PAPPA2: variants seen among roughly 807,000 people sequenced by gnomAD.
PAPPA2 encodes the protein pappalysin-2.
PAPPA2 carries 86 observed loss-of-function variants against 176.4 expected under a neutral mutation model. The observed-to-expected ratio is 0.49, with a 90% CI of 0.41 to 0.58. PAPPA2 has a LOEUF of 0.58. PAPPA2 is among the 20% of genes least tolerant of loss of function. The probability of loss-of-function intolerance (pLI) is 0.00; values close to 1 mark genes in which losing one functional copy is unlikely to be tolerated. For synonymous variants in PAPPA2, 809 were observed against 852.2 expected, an observed-to-expected ratio of 0.95 and a Z score of 0.88; for missense variants, 2,073 against 2,256.9, an observed-to-expected ratio of 0.92 and a Z score of 1.65.
intron 3 of PAPPA2, chr1:176,616,573 C>A (rs1214928716): frequency 6.7e-7 from 1 of 1,502,494 alleles, no homozygotes; most frequent in Non-Finnish European, 9.2e-7. Context: ...GGTGGTGCAC[C>A]ATCACCAAAA....
rs1484189701 is a variant in PAPPA2 at position 176,844,009 on chromosome 1, A to G, written c.*1555A>G. 6.6e-6 allele frequency: 1 copy of G among 152,178 alleles called. No homozygotes were observed. Among genetic ancestry groups the G allele is most frequent in the Non-Finnish European group, 1.5e-5 (1 of 68,034 alleles). The allele number at this position is 152,178 out of a possible 1,614,324, so 9.4% of individuals were successfully genotyped here. ...TAGATGGAATGCACATGAAATGACC[A>G]TATTAAGCCTCTCTCTATTTACATC... is the stretch of plus-strand genomic sequence containing the variant. On this transcript the variant is annotated 3_prime_UTR_variant, in exon 23 of 23. Transcript: ENST00000367662.
intron 21 of PAPPA2, among the ~76,000 whole-genome samples, chr1:176,809,108 G>C (rs1428005134): frequency 6.6e-6 from 1 of 152,188 alleles, no homozygotes; most frequent in Non-Finnish European, 1.5e-5. Flanking sequence ...CTCCCTCTCT[G>C]ATATGGTTAC....
chr1:176,794,748 TCAAGGGCATGCTGGATGTGAGAGA>T (rs2102942605), intron 20 of PAPPA2, among the ~76,000 whole-genome samples: 1 of 152,088 alleles, frequency 6.6e-6, no homozygotes, highest in East Asian at 1.9e-4. Flanking sequence ...TTTAGATGTG[TCAAGGGCATGCTGGATGTGAGAGA>T]CAAGGGCATG....
intron 12 of PAPPA2, among the ~76,000 whole-genome samples, chr1:176,733,969 T>C (rs1662279781): frequency 6.6e-6 from 1 of 152,040 alleles, no homozygotes; most frequent in Non-Finnish European, 1.5e-5. Flanking sequence ...ACATTGCCTG[T>C]CCACTCCACC....
chr1:176,790,446 T>C (rs1377367070), intron 18 of PAPPA2, among the ~76,000 whole-genome samples: 1 of 152,220 alleles, frequency 6.6e-6, no homozygotes, highest in East Asian at 1.9e-4. Context: ...ATCTTTGTTG[T>C]GTGACTAAAA....
At chr1:176,784,841 C>G (rs555303604) in intron 17 of PAPPA2, among the ~76,000 whole-genome samples, 66 of 152,246 alleles carry the variant, frequency 4.3e-4, no homozygotes, top group African/African-American at 1.5e-3. Flanking sequence ...CCACCTTGGC[C>G]TCCCAAAGTG....
intron 12 of PAPPA2, among the ~76,000 whole-genome samples, chr1:176,712,435 T>C (rs1332164699): frequency 6.6e-6 from 1 of 152,214 alleles, no homozygotes; most frequent in African/African-American, 2.4e-5. Context: ...GAAAACACTT[T>C]ACAGTATGTA....
Position 176,769,638 on chromosome 1 carries a change from A to T in PAPPA2, c.4355A>T (p.His1452Leu). The stretch of plus-strand genomic sequence containing the variant: ...ATTCTGCTCACATGTTCTTCTGGGC[A>T]CTGGGACCAGAATGTGAGCTGCCTT... ...KEILLTCSSG[H>L]WDQNVSCLPV... The change falls in exon 16 of 23, where the codon CAC (histidine) becomes CTC (leucine). Residue 1452 changes from histidine (H) to leucine (L), a missense_variant. Physicochemically the swap from His to Leu is moderately conservative, Grantham distance 99. Transcript: ENST00000367662. 6.2e-7 allele frequency: 1 copy of T among 1,613,594 alleles called. No homozygotes were observed. Among genetic ancestry groups the T allele is most frequent in the Non-Finnish European group, 8.5e-7 (1 of 1,179,878 alleles).
intron 1 of PAPPA2, among the ~76,000 whole-genome samples, chr1:176,514,936 A>G (rs12086187): frequency 0.079 from 12,063 of 152,210 alleles, 588 homozygotes; most frequent in South Asian, 0.15. Context: ...TTACATCTCT[A>G]TCGAGCTCCT....
intron 21 of PAPPA2, among the ~76,000 whole-genome samples, chr1:176,810,415 A>G (rs925143621): frequency 3.3e-5 from 5 of 152,150 alleles, no homozygotes; most frequent in African/African-American, 1.2e-4. Flanking sequence ...GGGGAGTTTC[A>G]GGATAAAACT....
chr1:176,578,720 G>A (rs1337992044), intron 2 of PAPPA2, among the ~76,000 whole-genome samples: 1 of 152,148 alleles, frequency 6.6e-6, no homozygotes, highest in East Asian at 1.9e-4. Context: ...TATAAGGGAG[G>A]CATTTCAGAC....
At chr1:176,535,144 G>T (rs1650003157) in intron 1 of PAPPA2, among the ~76,000 whole-genome samples, 2 of 152,128 alleles carry the variant, frequency 1.3e-5, no homozygotes, top group Admixed American at 6.5e-5. Flanking sequence ...AAGGATAAAA[G>T]AATAAAATGT....
intron 2 of PAPPA2, among the ~76,000 whole-genome samples, chr1:176,592,325 ACTT>A (rs1441199774): frequency 6.6e-6 from 1 of 152,208 alleles, no homozygotes; most frequent in Non-Finnish European, 1.5e-5. Flanking sequence ...TCAAAATAAT[ACTT>A]CTACATACTG....
At chr1:176,731,718 C>CATATATGTGT (rs1558548861) in intron 12 of PAPPA2, among the ~76,000 whole-genome samples, 19 of 146,024 alleles carry the variant, frequency 1.3e-4, no homozygotes, top group African/African-American at 4.0e-4. Context: ...TATATATACA[C>CATATATGTGT]ACATATATGT....
chr1:176,588,487 A>T (rs1653459123), intron 2 of PAPPA2, among the ~76,000 whole-genome samples: 1 of 152,200 alleles, frequency 6.6e-6, no homozygotes, highest in East Asian at 1.9e-4. Context: ...CTGGAAAAAG[A>T]CTTATTTCTA....
rs1024048614 is a variant in PAPPA2 at position 176,556,315 on chromosome 1, G to C, written c.-8G>C. The C allele has an allele frequency of 6.2e-7, 1 of 1,611,466 alleles. No homozygotes were observed. Among genetic ancestry groups the C allele is most frequent in the African/African-American group, 1.3e-5 (1 of 74,912 alleles). On this transcript the variant is annotated 5_prime_UTR_variant, in exon 2 of 23. Transcript: ENST00000367662. Reference sequence around the variant, plus strand: ...ACTTCTGGTTCTGTAGAAAGAGCTAGGGGAGGTATGATGTGCTTAAAGATC... The same window carrying C: ...ACTTCTGGTTCTGTAGAAAGAGCTACGGGAGGTATGATGTGCTTAAAGATC...
chr1:176,543,948 G>C (rs1650494964), intron 1 of PAPPA2, among the ~76,000 whole-genome samples: 1 of 152,144 alleles, frequency 6.6e-6, no homozygotes, highest in Non-Finnish European at 1.5e-5. Context: ...AGATGGCAGG[G>C]GTCTGAGTCA....
chr1:176,740,281 T>C (rs1662619108), intron 14 of PAPPA2, 85 bp downstream of exon 14: 1 of 1,314,506 alleles, frequency 7.6e-7, no homozygotes, highest in African/African-American at 1.5e-5. Flanking sequence ...ATGTATAGAG[T>C]GTTTGCTCAA....
At chr1:176,764,515 G>T (rs571312489) in intron 14 of PAPPA2, among the ~76,000 whole-genome samples, 2 of 152,128 alleles carry the variant, frequency 1.3e-5, no homozygotes, top group African/African-American at 4.8e-5. Context: ...ATTCCAGAGA[G>T]CCTGAGGCTA....
Sources: gnomAD v4.1 joint callset for allele counts (sites outside exome capture counted in the v4.1 genomes callset) on GRCh38, gnomAD v4.1.1 for gene constraint, MANE v1.5 for transcripts, NCBI Gene and HGNC (gene_info 2026-07-23, HGNC 2026-07-21) for gene names.